Variants in BAZ2B observed in about 807,000 individuals in gnomAD.
BAZ2B encodes bromodomain adjacent to zinc finger domain protein 2B.
Under a neutral mutation model 246.0 loss-of-function variants are expected in BAZ2B, and 91 were observed. The ratio of observed to expected loss-of-function variants is 0.37; its 90% CI spans 0.31 to 0.44. The LOEUF (loss-of-function observed/expected upper bound fraction) is 0.44, where lower values mean the gene tolerates loss of function less well. Ranked by LOEUF, BAZ2B falls within the 20% of genes least tolerant of loss-of-function variation. The pLI, the probability that BAZ2B is intolerant of heterozygous loss-of-function variation, is 1.00. For missense variants in BAZ2B, 2,332 were observed against 2,533.7 expected, an observed-to-expected ratio of 0.92 and a Z score of 1.71; for synonymous variants, 855 against 860.0, an observed-to-expected ratio of 0.99 and a Z score of 0.10.
At chr2:159,324,586 T>C (rs2148777183) in intron 36 of BAZ2B, among the ~76,000 whole-genome samples, 1 of 150,252 alleles carries the variant, frequency 6.7e-6, no homozygotes, top group Admixed American at 6.6e-5. Context: ...TAAATAATTT[T>C]AGTTGGTTTC....
At chr2:159,400,278 A>T (rs1007643437) in intron 17 of BAZ2B, among the ~76,000 whole-genome samples, 1 of 152,228 alleles carries the variant, frequency 6.6e-6, no homozygotes, top group Non-Finnish European at 1.5e-5. Flanking sequence ...AGTAAATATC[A>T]GACTATAAGC....
At chr2:159,380,520 C>T (rs2061874826) in intron 25 of BAZ2B, among the ~76,000 whole-genome samples, 1 of 152,192 alleles carries the variant, frequency 6.6e-6, no homozygotes. Flanking sequence ...AAAGACTTAA[C>T]ATAGCAGGCC....
the BAZ2B span, among the ~76,000 whole-genome samples, chr2:159,669,573 T>C: frequency 6.6e-6 from 1 of 152,198 alleles, no homozygotes; most frequent in Non-Finnish European, 1.5e-5. Context: ...TATGTTTAAG[T>C]TGCTGTTACT....
intron 16 of BAZ2B, chr2:159,404,283 C>T (rs2065553904): frequency 6.6e-6 from 1 of 151,922 alleles, no homozygotes; most frequent in Non-Finnish European, 1.5e-5. Flanking sequence ...ACTTCTCTTA[C>T]CTAAACTTAA....
intron 1 of BAZ2B, among the ~76,000 whole-genome samples, chr2:159,570,744 T>C (rs1227740170): frequency 1.3e-5 from 2 of 152,258 alleles, no homozygotes; most frequent in Non-Finnish European, 2.9e-5. Flanking sequence ...CAACTCTAGT[T>C]GTGCTTCATA....
At chr2:159,686,630 T>G in the BAZ2B span, among the ~76,000 whole-genome samples, 2 of 151,840 alleles carry the variant, frequency 1.3e-5, no homozygotes, top group Admixed American at 6.6e-5. Flanking sequence ...AAATAATAAG[T>G]GAAATCTGAA....
chr2:159,669,963 G>C, the BAZ2B span, among the ~76,000 whole-genome samples: 1 of 151,600 alleles, frequency 6.6e-6, no homozygotes, highest in African/African-American at 2.4e-5. Flanking sequence ...AGTTCCTGTT[G>C]CTCTTTCTTT....
chr2:159,329,903 C>A (rs2064414350), intron 34 of BAZ2B, among the ~76,000 whole-genome samples: 1 of 152,058 alleles, frequency 6.6e-6, no homozygotes, highest in Non-Finnish European at 1.5e-5. Flanking sequence ...CAATGACCTA[C>A]CAGGTGATAC....
the BAZ2B span, among the ~76,000 whole-genome samples, chr2:159,677,264 A>G: frequency 0.015 from 2,219 of 151,968 alleles, 36 homozygotes; most frequent in Middle Eastern, 0.071. Flanking sequence ...AAAGTCTACA[A>G]AAACAAAAAG....
chr2:159,622,889 C>T, the BAZ2B span, among the ~76,000 whole-genome samples: 1 of 150,066 alleles, frequency 6.7e-6, no homozygotes, highest in South Asian at 2.1e-4. Flanking sequence ...CCCAGCTATT[C>T]GAAGCCTGGG....
chr2:159,487,465 T>C (rs1559591033), intron 2 of BAZ2B, among the ~76,000 whole-genome samples: 1 of 152,222 alleles, frequency 6.6e-6, no homozygotes, highest in Non-Finnish European at 1.5e-5. Context: ...TCCTACTCAC[T>C]GTGATGTCAG....
the BAZ2B span, among the ~76,000 whole-genome samples, chr2:159,701,636 T>G: frequency 6.8e-6 from 1 of 147,998 alleles, no homozygotes; most frequent in Non-Finnish European, 1.5e-5. Flanking sequence ...ATTATATATG[T>G]ATATATAATA....
intron 27 of BAZ2B, among the ~76,000 whole-genome samples, chr2:159,363,736 G>A (rs1276677762): frequency 1.3e-5 from 2 of 152,140 alleles, no homozygotes; most frequent in African/African-American, 2.4e-5. Context: ...TGGGAATGTA[G>A]TCCTATTCAA....
intron 2 of BAZ2B, among the ~76,000 whole-genome samples, chr2:159,505,118 T>G (rs1220097526): frequency 6.6e-6 from 1 of 152,218 alleles, no homozygotes; most frequent in African/African-American, 2.4e-5. Flanking sequence ...GAGGTAGTCA[T>G]ATACTTAGAG....
chr2:159,439,700 G>C (rs1181392145), intron 6 of BAZ2B, among the ~76,000 whole-genome samples: 1 of 152,280 alleles, frequency 6.6e-6, no homozygotes, highest in African/African-American at 2.4e-5. Flanking sequence ...GCTGGTGATA[G>C]GGGAGGGTAC....
At chr2:159,629,337 G>A in the BAZ2B span, among the ~76,000 whole-genome samples, 22 of 152,108 alleles carry the variant, frequency 1.4e-4, no homozygotes, top group Admixed American at 1.4e-3. Context: ...TATACCCAAA[G>A]GATTATAAAT....
chr2:159,328,503 A>G (rs2064121721), intron 34 of BAZ2B, among the ~76,000 whole-genome samples: 1 of 152,206 alleles, frequency 6.6e-6, no homozygotes, highest in African/African-American at 2.4e-5. Context: ...GGGAGGACAT[A>G]AAAATCCATA....
chr2:159,347,406 C>G, intron 31 of BAZ2B, 80 bp downstream of exon 31: 4 of 1,408,782 alleles, frequency 2.8e-6, no homozygotes, highest in Admixed American at 1.8e-5. Flanking sequence ...AGCACATTAA[C>G]TAGCATATAT....
intron 1 of BAZ2B, among the ~76,000 whole-genome samples, chr2:159,598,604 C>T (rs1238162057): frequency 6.6e-6 from 1 of 151,786 alleles, no homozygotes; most frequent in Non-Finnish European, 1.5e-5. Context: ...AATCCCAACA[C>T]TTTGGGAAGC....
Sources: allele counts gnomAD v4.1 joint callset (sites outside exome capture counted in the v4.1 genomes callset), GRCh38; gene constraint gnomAD v4.1.1; transcripts MANE v1.5; gene names NCBI Gene and HGNC (gene_info 2026-07-23, HGNC 2026-07-21).